The following SH3BGRL2 variants were observed in gnomAD, a reference collection of about 807,000 sequenced individuals.
SH3BGRL2 encodes the protein SH3 domain-binding glutamic acid-rich-like protein 2.
A neutral mutation model predicts 14.8 loss-of-function variants in SH3BGRL2; 21 were observed. The ratio of observed to expected loss-of-function variants is 1.42; its 90% CI spans 1.01 to 2.05. The LOEUF (loss-of-function observed/expected upper bound fraction) is 2.05. Among genes scored for constraint, SH3BGRL2 ranks in the 30% most tolerant of loss-of-function variants. The pLI, the probability that SH3BGRL2 is intolerant of heterozygous loss-of-function variation, is 0.00. For missense variants in SH3BGRL2, 147 were observed against 130.8 expected (o/e 1.12, Z -0.61); for synonymous variants, 50 against 47.8 (o/e 1.05, Z -0.19).
At chr6:79,663,565 A>G (rs1015334258) in intron 1 of SH3BGRL2, among the ~76,000 whole-genome samples, 3 of 152,116 alleles carry the variant, frequency 2.0e-5, no homozygotes, top group African/African-American at 4.8e-5. Context: ...ACCCGCCTGT[A>G]TGAGGTGTCA....
At chr6:79,537,721 A>G in the SH3BGRL2 span, among the ~76,000 whole-genome samples, 6 of 152,116 alleles carry the variant, frequency 3.9e-5, no homozygotes, top group Non-Finnish European at 7.4e-5. Context: ...AAGTGGGTTC[A>G]TGATATGAAT....
chr6:79,679,768 A>G (rs1012316308), intron 2 of SH3BGRL2, among the ~76,000 whole-genome samples: 6 of 152,178 alleles, frequency 3.9e-5, no homozygotes, highest in African/African-American at 1.4e-4. Flanking sequence ...TTTAAATGGT[A>G]TCTACTCTAA....
the SH3BGRL2 span, among the ~76,000 whole-genome samples, chr6:79,588,094 C>T: frequency 6.6e-6 from 1 of 152,058 alleles, no homozygotes; most frequent in Non-Finnish European, 1.5e-5. Context: ...GAGATTGAGA[C>T]CATTCTGGCT....
the SH3BGRL2 span, among the ~76,000 whole-genome samples, chr6:79,583,631 G>C: frequency 1.1e-4 from 16 of 152,144 alleles, no homozygotes; most frequent in Admixed American, 3.3e-4. Flanking sequence ...GGGCCTGTAA[G>C]GGGGTGGGGA....
chr6:79,603,136 G>T, the SH3BGRL2 span, among the ~76,000 whole-genome samples: 1 of 152,136 alleles, frequency 6.6e-6, no homozygotes, highest in Non-Finnish European at 1.5e-5. Flanking sequence ...ATATAACCTA[G>T]TAACCAGCTA....
At chr6:79,625,821 G>A in the SH3BGRL2 span, among the ~76,000 whole-genome samples, 1 of 152,308 alleles carries the variant, frequency 6.6e-6, no homozygotes, top group East Asian at 1.9e-4. Flanking sequence ...AGTTAAACCA[G>A]CTGCCTAAGG....
At chr6:79,569,162 T>C in the SH3BGRL2 span, among the ~76,000 whole-genome samples, 1 of 152,182 alleles carries the variant, frequency 6.6e-6, no homozygotes, top group East Asian at 1.9e-4. Flanking sequence ...AAATTGAAGC[T>C]TGGGGTGGAT....
chr6:79,640,170 G>A (rs1445811937), intron 1 of SH3BGRL2, among the ~76,000 whole-genome samples: 1 of 152,144 alleles, frequency 6.6e-6, no homozygotes, highest in East Asian at 1.9e-4. Flanking sequence ...GAGGTTGGAA[G>A]CCTGTACCAG....
chr6:79,657,977 TA>T (rs1041091389), intron 1 of SH3BGRL2, among the ~76,000 whole-genome samples: 59 of 152,238 alleles, frequency 3.9e-4, no homozygotes, highest in African/African-American at 1.3e-3. Context: ...AGTAGTGGAT[TA>T]GATTTAATTC....
chr6:79,627,551 G>A (rs6934345), upstream of SH3BGRL2, among the ~76,000 whole-genome samples: 38,660 of 152,078 alleles, frequency 0.25, 4,992 homozygotes, highest in East Asian at 0.31. Context: ...TGCCAAAGGA[G>A]AGTCTCATTT....
the SH3BGRL2 span, among the ~76,000 whole-genome samples, chr6:79,607,607 A>G: frequency 0.17 from 26,478 of 152,034 alleles, 2,411 homozygotes; most frequent in South Asian, 0.22. Context: ...CCCCTGTATT[A>G]GTCTGTTCTC....
At chr6:79,616,816 A>C in the SH3BGRL2 span, among the ~76,000 whole-genome samples, 6 of 152,264 alleles carry the variant, frequency 3.9e-5, no homozygotes, top group African/African-American at 1.4e-4. Context: ...AGCTCTGCTC[A>C]GGGGTTCAGG....
chr6:79,593,992 T>C, the SH3BGRL2 span, among the ~76,000 whole-genome samples: 1 of 144,974 alleles, frequency 6.9e-6, no homozygotes, highest in Admixed American at 7.0e-5. Context: ...GCCACTGCAC[T>C]CCAGCCTGGA....
chr6:79,558,444 G>A, the SH3BGRL2 span, among the ~76,000 whole-genome samples: 1 of 152,084 alleles, frequency 6.6e-6, no homozygotes, highest in African/African-American at 2.4e-5. Context: ...TTTAGAAAGG[G>A]TTTTAAAATC....
chr6:79,587,935 G>C, the SH3BGRL2 span, among the ~76,000 whole-genome samples: 1 of 151,556 alleles, frequency 6.6e-6, no homozygotes, highest in African/African-American at 2.4e-5. Context: ...CAGCACTTTG[G>C]GAGGCTGAGG....
chr6:79,701,144 A>G lies in SH3BGRL2; in HGVS notation c.*1635A>G, dbSNP rs1192863599. 2.0e-5 allele frequency: 3 copies of G among 152,090 alleles called. No individual in the cohort carries two copies. Among genetic ancestry groups the G allele is most frequent in the African/African-American group, 7.2e-5 (3 of 41,420 alleles). 9.4% of individuals were successfully genotyped at this position (152,090 alleles called of 1,614,324 possible). The stretch of plus-strand genomic sequence containing the variant: ...AACTAGAATGGACACATGATCCACA[A>G]TTTTCTCTTCAAGGGAAGCTGTTGT... On this transcript the variant is annotated 3_prime_UTR_variant, in exon 4 of 4. Coordinates refer to ENST00000369838, the MANE Select transcript of SH3BGRL2 (RefSeq NM_031469.4).
the SH3BGRL2 span, among the ~76,000 whole-genome samples, chr6:79,598,985 G>C: frequency 6.6e-6 from 1 of 151,510 alleles, no homozygotes; most frequent in South Asian, 2.1e-4. Flanking sequence ...GGAGGCTGAG[G>C]CAGGAGAATC....
chr6:79,540,679 G>C, the SH3BGRL2 span, among the ~76,000 whole-genome samples: 1 of 152,040 alleles, frequency 6.6e-6, no homozygotes, highest in African/African-American at 2.4e-5. Context: ...TTGTAAAAAT[G>C]TGTATATACT....
the SH3BGRL2 span, among the ~76,000 whole-genome samples, chr6:79,579,210 G>T: frequency 1.3e-5 from 2 of 152,218 alleles, no homozygotes; most frequent in Admixed American, 1.3e-4. Flanking sequence ...ATGGAACCAA[G>T]TTGGAAAACA....
Sources: allele counts gnomAD v4.1 joint callset (sites outside exome capture counted in the v4.1 genomes callset), GRCh38; gene constraint gnomAD v4.1.1; transcripts MANE v1.5; gene names NCBI Gene and HGNC (gene_info 2026-07-23, HGNC 2026-07-21).